ACADVL: variants seen among roughly 807,000 people sequenced by gnomAD.
The protein encoded by ACADVL is acyl-CoA dehydrogenase very long chain.
ACADVL carries 73 observed loss-of-function variants against 80.4 expected under a neutral mutation model. The ratio of observed to expected loss-of-function variants is 0.91; its 90% CI spans 0.75 to 1.10. The LOEUF is 1.10. Among genes scored for constraint, ACADVL ranks in the 50% least tolerant of loss-of-function variants. The probability of loss-of-function intolerance (pLI) is 0.00; values close to 1 mark genes in which losing one functional copy is unlikely to be tolerated. For synonymous variants in ACADVL, 392 were observed against 326.5 expected (o/e 1.20, Z -2.16); for missense variants, 878 against 858.9 (o/e 1.02, Z -0.28).
rs372357967 is a variant in ACADVL, at chr17:7,224,438, C to T, written c.1606-42C>T. ...GGAGAGCCTGCATCAGGGACTGCAG[C>T]CGATGGCCCCTCTGAGCCCCGCACT... On this transcript the variant is annotated intron_variant, in intron 16 of 19. Coordinates refer to ENST00000356839, the MANE Select transcript of ACADVL (RefSeq NM_000018.4). 34 of 1,613,654 alleles carry T rather than the reference C, an allele frequency of 2.1e-5. No individual in the cohort carries two copies. The Admixed American group carries it at 3.0e-4, about 14-fold the overall frequency.
upstream of ACADVL, chr17:7,217,911 C>T (rs1597508675): frequency 4.0e-6 from 5 of 1,237,798 alleles, no homozygotes; most frequent in Middle Eastern, 1.9e-4. Context: ...TCTCGGCAGG[C>T]GGTAGGGGGT....
In ACADVL at chr17:7,221,362, G is replaced by C. The variant is rs2071208635; in HGVS notation, c.478-176G>C. 5 of 1,162,436 alleles carry C rather than the reference G, an allele frequency of 4.3e-6. No homozygotes were observed. In the East Asian group the frequency reaches 1.2e-4, roughly 28 times the overall value. 72.0% of individuals were successfully genotyped at this position (1,162,436 alleles called of 1,614,324 possible). ...GACCTAAGACAGACCAGCATTCTCT[G>C]CTGTGCCCTTTGCACACCCCACTTC... On this transcript the variant is annotated intron_variant, in intron 6 of 19. Coordinates refer to ENST00000356839, the MANE Select transcript of ACADVL (RefSeq NM_000018.4).
In ACADVL at chr17:7,223,798, G is replaced by A; in HGVS notation, c.1270-15G>A. 3 of 1,614,178 alleles carry A rather than the reference G, an allele frequency of 1.9e-6. No individual in the cohort carries two copies. The highest frequency in any genetic ancestry group is 1.7e-6 in the Non-Finnish European group (2 of 1,180,028). On this transcript the variant is annotated splice_polypyrimidine_tract_variant and intron_variant, in intron 12 of 19. Coordinates refer to ENST00000356839, the MANE Select transcript of ACADVL (RefSeq NM_000018.4). ...TCAGCTCCCAAAACCAGTCTCATCT[G>A]TTCTTTGTCCCTAGGAGGCAGCCTG...
At chr17:7,221,157 C>A in intron 6 of ACADVL, 99 bp downstream of exon 6, 1 of 1,583,740 alleles carries the variant, frequency 6.3e-7, no homozygotes, top group Non-Finnish European at 8.6e-7. Flanking sequence ...AAGGTCTCTT[C>A]TAAGCACCTG....
chr17:7,221,105 G>T (rs1346947944), intron 6 of ACADVL, 47 bp downstream of exon 6: 2 of 1,611,414 alleles, frequency 1.2e-6, no homozygotes, highest in Non-Finnish European at 1.7e-6. Context: ...ACCCCAGCTT[G>T]GCAGACTCAG....
chr17:7,221,172 G>A (rs2071196563), intron 6 of ACADVL, 114 bp downstream of exon 6: 1 of 1,528,172 alleles, frequency 6.5e-7, no homozygotes, highest in Admixed American at 1.7e-5. Flanking sequence ...CACCTGCCCT[G>A]GGTGCCTGTG....
rs201462718 is a variant in ACADVL, at chr17:7,224,860, G to A, written c.1803G>A (p.Met601Ile). Reference protein sequence around the residue: ...EGHPTAQHEKMLCDTWCIEAA... With the variant: ...EGHPTAQHEKILCDTWCIEAA... ...ACCCCACGGCCCAGCATGAGAAAAT[G>A]CTCTGTGACACCTGGTGTATCGAGG... The change falls in exon 19 of 20, where the codon ATG becomes ATA. Residue 601 changes from methionine to isoleucine, a missense_variant. By Grantham distance (10) the Met-to-Ile change is conservative (BLOSUM62 1). Coordinates refer to ENST00000356839, the MANE Select transcript of ACADVL (RefSeq NM_000018.4). The A allele has an allele frequency of 6.1e-5, 98 of 1,613,976 alleles. No individual in the cohort carries two copies. Among genetic ancestry groups the A allele is most frequent in the African/African-American group, 5.3e-5 (4 of 74,930 alleles).
At chr17:7,223,614 C>T in intron 11 of ACADVL, 30 bp from the exon 12 acceptor site, 4 of 1,613,066 alleles carry the variant, frequency 2.5e-6, no homozygotes, top group East Asian at 2.2e-5. Flanking sequence ...TTGCAATTTT[C>T]CTTCCCATGT....
rs727503789 is a variant in ACADVL, at chr17:7,220,188, T to A, written c.129T>A (p.Gly43=). ...CTGCCCGGCGGCCCTATGCCGGGGG[T>A]GCCGCTCAGGTAAGTCACCGCAGCC... ...PGPARRPYAG[G]AAQLALDKSD... The change falls in exon 2 of 20, where the codon GGT becomes GGA. Residue 43 remains glycine (G), a synonymous_variant. Coordinates refer to ENST00000356839, the MANE Select transcript of ACADVL (RefSeq NM_000018.4). 7.2e-6 allele frequency: 11 copies of A among 1,533,486 alleles called. No individual in the cohort carries two copies. The Middle Eastern group carries it at 6.4e-4, about 89-fold the overall frequency. The allele number at this position is 1,533,486 out of a possible 1,614,324, so 95.0% of individuals were successfully genotyped here.
At chr17:7,217,916 G>A, upstream of ACADVL, 2 of 1,213,886 alleles carry the variant, frequency 1.6e-6, no homozygotes, top group Non-Finnish European at 2.3e-6. Flanking sequence ...GCAGGCGGTA[G>A]GGGGTCGGGT....
Position 7,220,677 on chromosome 17 carries a change from G to A in ACADVL, c.277+1G>A. On this transcript the variant is annotated splice_donor_variant, in intron 4 of 19. Transcript: ENST00000356839. LOFTEE classifies it high-confidence loss of function. ...GATCAGGTGTTCCCATACCCGTCCG[G>A]TAAGGGAAGGGATAATCAGAGCTGG... The A allele has an allele frequency of 1.2e-6, 2 of 1,614,216 alleles. No homozygotes were observed. Among genetic ancestry groups the A allele is most frequent in the Non-Finnish European group, 1.7e-6 (2 of 1,180,042 alleles).
At chr17:7,220,326 G>A (rs2071133924) in intron 2 of ACADVL, 129 bp downstream of exon 2, 2 of 1,524,012 alleles carry the variant, frequency 1.3e-6, no homozygotes, top group Admixed American at 1.9e-5. Flanking sequence ...TAGGGGAAAG[G>A]GCAAGCCAGG....
At position 7,221,605 on chromosome 17, in the gene ACADVL, A is replaced by C. The variant is rs2071230096; in HGVS notation, c.545A>C (p.Gln182Pro). 6.2e-7 allele frequency: 1 copy of C among 1,614,122 alleles called. No homozygotes were observed. Among genetic ancestry groups the C allele is most frequent in the Non-Finnish European group, 8.5e-7 (1 of 1,180,024 alleles). ...LGVGITLGAH[Q>P]SIGFKGILLF... ...GTGGGCATTACCCTGGGGGCCCATCAGAGCATCGGTTTCAAAGGCATCCTG... is the reference window on the plus strand; with the variant it reads ...GTGGGCATTACCCTGGGGGCCCATCCGAGCATCGGTTTCAAAGGCATCCTG... Residue 182 changes from glutamine (Q) to proline (P), a missense_variant, in exon 7 of 20, where the codon CAG (glutamine) becomes CCG (proline). By Grantham distance (76) the Gln-to-Pro change is moderately conservative. Coordinates refer to ENST00000356839, the MANE Select transcript of ACADVL (RefSeq NM_000018.4).
Position 7,221,028 on chromosome 17 carries a change from G to A in ACADVL, c.447G>A (p.Glu149=), listed in dbSNP as rs2142969733. Residue 149 remains glutamate, a synonymous_variant, in exon 6 of 20, where the codon GAG becomes GAA. Coordinates refer to ENST00000356839, the MANE Select transcript of ACADVL (RefSeq NM_000018.4). ...LGAFGLQVPS[E]LGGVGLCNTQ... is the part of the protein sequence containing the mutation. ...CCTTTGGTCTGCAAGTGCCCAGTGA[G>A]CTGGGTGGTGTGGGCCTTTGCAACA... 5 of 1,613,948 alleles carry A rather than the reference G, an allele frequency of 3.1e-6. No homozygotes were observed. The highest frequency in any genetic ancestry group is 4.2e-6 in the Non-Finnish European group (5 of 1,180,010).
chr17:7,223,621 A>G (rs761893176), intron 11 of ACADVL, 23 bp from the exon 12 acceptor site: 2 of 1,613,784 alleles, frequency 1.2e-6, no homozygotes, highest in South Asian at 2.2e-5. Flanking sequence ...TTTCCTTCCC[A>G]TGTCCCAACT....
chr17:7,218,478 C>A, upstream of ACADVL: 1 of 1,499,144 alleles, frequency 6.7e-7, no homozygotes, highest in South Asian at 1.2e-5. Flanking sequence ...GGCTCCCAAA[C>A]AGCCCCCGAA....
chr17:7,219,812 G>A (rs773007123), upstream of ACADVL: 21 of 1,528,670 alleles, frequency 1.4e-5, no homozygotes, highest in Non-Finnish European at 1.8e-5. Context: ...TCAGCGGAAC[G>A]CAGGGCCGGG....
rs201370388 is a variant in ACADVL at position 7,221,647 on chromosome 17, C to T, written c.587C>T (p.Ala196Val). The part of the protein sequence containing the change: ...FKGILLFGTK[A>V]QKEKYLPKLA... ...GGCATCCTGCTCTTTGGCACAAAGG[C>T]CCAGAAAGAAAAATACCTCCCCAAG... The change falls in exon 7 of 20, where the codon GCC becomes GTC. Residue 196 changes from alanine (A) to valine (V), a missense_variant. Coordinates refer to ENST00000356839, the MANE Select transcript of ACADVL (RefSeq NM_000018.4). 104 of 1,613,998 alleles carry T rather than the reference C, an allele frequency of 6.4e-5. No individual in the cohort carries two copies. In the African/African-American group the frequency reaches 1.1e-3, roughly 18 times the overall value.
chr17:7,220,888 A>G lies in ACADVL; in HGVS notation c.343-36A>G, dbSNP rs986015491. 3 of 1,613,918 alleles carry G rather than the reference A, an allele frequency of 1.9e-6. No homozygotes were observed. The African/African-American group carries it at 4.0e-5, about 22-fold the overall frequency. ...AGGTGTTTGGAGATGTTAAGCTCAA[A>G]AGGAGCCTGGATGTGGGATCCTGTG... On this transcript the variant is annotated intron_variant, in intron 5 of 19. Coordinates refer to ENST00000356839, the MANE Select transcript of ACADVL (RefSeq NM_000018.4).
Sources: allele counts gnomAD v4.1 joint callset, GRCh38; gene constraint gnomAD v4.1.1; transcripts MANE v1.5; gene names NCBI Gene and HGNC (gene_info 2026-07-23, HGNC 2026-07-21).